The following CAPRIN1 variants were observed in gnomAD, a reference collection of about 807,000 sequenced individuals.
CAPRIN1 encodes the protein caprin-1.
CAPRIN1 carries 29 observed loss-of-function variants against 100.9 expected under a neutral mutation model. The observed-to-expected ratio is 0.29, with a 90% CI of 0.21 to 0.39. The LOEUF (loss-of-function observed/expected upper bound fraction) is 0.39, where lower values mean the gene tolerates loss of function less well. CAPRIN1 is among the 10% of genes least tolerant of loss of function. The probability of loss-of-function intolerance (pLI) is 1.00; values close to 1 mark genes in which losing one functional copy is unlikely to be tolerated. For synonymous variants in CAPRIN1, 338 were observed against 307.5 expected, an observed-to-expected ratio of 1.10 and a Z score of -1.04; for missense variants, 795 against 876.7, an observed-to-expected ratio of 0.91 and a Z score of 1.18.
chr11:34,092,255 T>A (rs920650747), intron 15 of CAPRIN1, among the ~76,000 whole-genome samples, 199 bp downstream of exon 15: 2 of 152,244 alleles, frequency 1.3e-5, no homozygotes, highest in Non-Finnish European at 2.9e-5. Context: ...TTTTGGAGGC[T>A]TTATAGCCAT....
At chr11:34,053,266 C>A in intron 2 of CAPRIN1, 1 of 468,746 alleles carries the variant, frequency 2.1e-6, no homozygotes, top group Non-Finnish European at 2.8e-6. Flanking sequence ...GGCTCCCCTG[C>A]GTTTCCCTCT....
At chr11:34,097,959 ACTAT>A in intron 18 of CAPRIN1, 198 bp downstream of exon 18, 1 of 1,326,156 alleles carries the variant, frequency 7.5e-7, no homozygotes, top group Non-Finnish European at 9.7e-7. Context: ...TTTCCCTGTT[ACTAT>A]ATAAACTGTC....
chr11:34,059,273 T>G (rs1211273216), intron 2 of CAPRIN1, among the ~76,000 whole-genome samples: 3 of 151,026 alleles, frequency 2.0e-5, no homozygotes, highest in South Asian at 2.1e-4. Context: ...TGACATTGTT[T>G]TTTTTTTTTT....
rs141308480 is a variant in CAPRIN1, at chr11:34,066,673, C to G, written c.217-5053C>G. ...TATTTTTTTGAGACGGAGTCTCACT[C>G]TGTTGTCCAGGCTGGAGTGCAGTGG... On this transcript the variant is annotated intron_variant, in intron 2 of 18. Coordinates refer to ENST00000341394, the MANE Select transcript of CAPRIN1 (RefSeq NM_005898.5). 2.5e-3 allele frequency among the ~76,000 whole-genome samples: 376 copies of G among 150,620 alleles called. 3 individuals are homozygous for G. The highest frequency in any genetic ancestry group is 8.5e-3 in the African/African-American group (347 of 40,738).
chr11:34,072,327 A>AC (rs532602568), intron 4 of CAPRIN1, among the ~76,000 whole-genome samples: 81 of 152,082 alleles, frequency 5.3e-4, no homozygotes, highest in Non-Finnish European at 7.1e-4. Flanking sequence ...AAAAAAAAAA[A>AC]AAAACATTAA....
intron 16 of CAPRIN1, 42 bp from the exon 17 acceptor site, chr11:34,097,154 T>C: frequency 7.2e-7 from 1 of 1,390,924 alleles, no homozygotes; most frequent in East Asian, 2.3e-5. Flanking sequence ...AAATTCCTTG[T>C]GAAGATAAGA....
At chr11:34,095,650 C>T (rs1158697890) in intron 15 of CAPRIN1, among the ~76,000 whole-genome samples, 1 of 152,184 alleles carries the variant, frequency 6.6e-6, no homozygotes, top group East Asian at 1.9e-4. Context: ...TGTGGGCCTT[C>T]CTTTGTTCTG....
intron 4 of CAPRIN1, among the ~76,000 whole-genome samples, chr11:34,072,824 A>G (rs4237663): frequency 0.88 from 133,777 of 152,248 alleles, 59,019 homozygotes; most frequent in East Asian, 1. Context: ...TTTGGACCAC[A>G]TATATGATGA....
chr11:34,087,024 T>C (rs1286144521), intron 11 of CAPRIN1, among the ~76,000 whole-genome samples: 2 of 152,110 alleles, frequency 1.3e-5, no homozygotes, highest in East Asian at 3.9e-4. Context: ...CACAAGACAG[T>C]TTCAGACTCT....
At chr11:34,092,297 C>T (rs1851278964) in intron 15 of CAPRIN1, among the ~76,000 whole-genome samples, 1 of 151,670 alleles carries the variant, frequency 6.6e-6, no homozygotes. Context: ...ACATAATATC[C>T]CTGTTGCATT....
rs763705023 is a variant in CAPRIN1, at chr11:34,076,458, C to T, written c.589C>T (p.Arg197Trp). ...ATTCTATAAGCTAGTAGACCCTGAA[C>T]GGGACATGAGCTTGAGGTATTAGTG... ...DEFYKLVDPE[R>W]DMSLRLNEQY... The change falls in exon 5 of 19, where the codon CGG becomes TGG. Residue 197 changes from arginine to tryptophan, a missense_variant. Physicochemically the swap from Arg to Trp is moderately radical, Grantham distance 101. Transcript: ENST00000341394. The T allele has an allele frequency of 1.2e-5, 19 of 1,613,310 alleles. No homozygotes were observed. The highest frequency in any genetic ancestry group is 4.5e-5 in the East Asian group (2 of 44,884).
rs772036228 is a variant in CAPRIN1 at position 34,086,134 on chromosome 11, C to T, written c.1037C>T (p.Pro346Leu). The T allele has an allele frequency of 1.2e-6, 2 of 1,614,022 alleles. No individual in the cohort carries two copies. The highest frequency in any genetic ancestry group is 1.7e-6 in the Non-Finnish European group (2 of 1,179,900). Reference protein sequence around the residue: ...PSVPEPHSLTPVAQADPLVRR... With the variant: ...PSVPEPHSLTLVAQADPLVRR... ...GTACCAGAGCCCCACTCTTTGACTC[C>T]AGTGGCTCAGGCAGATCCCCTTGTG... is the stretch of plus-strand genomic sequence containing the variant. Residue 346 changes from proline (P) to leucine (L), a missense_variant, in exon 10 of 19, where the codon CCA (proline) becomes CTA (leucine). By Grantham distance (98) the Pro-to-Leu change is moderately conservative. This residue lies in a region of CAPRIN1 where 648 missense variants were observed against 697.9 expected (regional missense o/e 0.93). Transcript: ENST00000341394.
intron 2 of CAPRIN1, among the ~76,000 whole-genome samples, chr11:34,054,192 A>C (rs765734548): frequency 6.6e-6 from 1 of 152,094 alleles, no homozygotes; most frequent in Non-Finnish European, 1.5e-5. Context: ...GAAGGTTGGA[A>C]GTTTTACTTG....
intron 6 of CAPRIN1, among the ~76,000 whole-genome samples, chr11:34,077,308 T>G (rs1318534456): frequency 2.0e-5 from 3 of 152,200 alleles, no homozygotes; most frequent in Admixed American, 2.0e-4. Flanking sequence ...TAGGGACTGT[T>G]TGTTTTATGG....
intron 14 of CAPRIN1, 74 bp from the exon 15 acceptor site, chr11:34,091,832 C>T (rs1851270531): frequency 2.2e-6 from 3 of 1,364,888 alleles, no homozygotes; most frequent in Admixed American, 2.1e-5. Context: ...GAGGTAAAAC[C>T]ACCATTGAGT....
chr11:34,080,503 A>G (rs568106026), intron 7 of CAPRIN1, among the ~76,000 whole-genome samples: 1 of 152,344 alleles, frequency 6.6e-6, no homozygotes, highest in East Asian at 1.9e-4. Flanking sequence ...TGGGGAGATT[A>G]TAGCTCCATA....
At chr11:34,053,507 C>T (rs1199355602) in intron 2 of CAPRIN1, 1 of 152,204 alleles carries the variant, frequency 6.6e-6, no homozygotes, top group Non-Finnish European at 1.5e-5. Context: ...AAGCGCTTTA[C>T]TGGAGCTGCA....
In CAPRIN1 at chr11:34,101,939, G is replaced by A. The variant is rs1031501716; in HGVS notation, c.*2572G>A. ...AATATAAATCATCTCATGTGGATAT[G>A]AAACTTCTTTTTTAAAACTTAAAAA... is the stretch of plus-strand genomic sequence containing the variant. On this transcript the variant is annotated 3_prime_UTR_variant, in exon 19 of 19. Coordinates refer to ENST00000341394, the MANE Select transcript of CAPRIN1 (RefSeq NM_005898.5). 6.6e-6 allele frequency among the ~76,000 whole-genome samples: 1 copy of A among 152,100 alleles called. No homozygotes were observed. The highest frequency in any genetic ancestry group is 1.5e-5 in the Non-Finnish European group (1 of 68,008).
intron 2 of CAPRIN1, chr11:34,053,808 A>G (rs529226071): frequency 2.0e-5 from 3 of 152,234 alleles, no homozygotes; most frequent in East Asian, 1.9e-4. Context: ...GAGTAAGATC[A>G]GAGGTGGAAG....
Sources: allele counts gnomAD v4.1 joint callset (sites outside exome capture counted in the v4.1 genomes callset), GRCh38; gene constraint gnomAD v4.1.1; regional missense constraint gnomAD v4.1.1; transcripts MANE v1.5; gene names NCBI Gene and HGNC (gene_info 2026-07-23, HGNC 2026-07-21).